The following CHN2 variants were observed in gnomAD, a reference collection of about 807,000 sequenced individuals.
CHN2 encodes beta-chimaerin.
A neutral mutation model predicts 56.3 loss-of-function variants in CHN2; 35 were observed. The observed-to-expected ratio is 0.62, with a 90% CI of 0.47 to 0.82. The LOEUF (loss-of-function observed/expected upper bound fraction) is 0.82. CHN2 is among the 40% of genes least tolerant of loss of function. CHN2 has a pLI of 0.00. For synonymous variants in CHN2, 210 were observed against 212.8 expected (o/e 0.99, Z 0.12); for missense variants, 491 against 580.5 (o/e 0.85, Z 1.58).
chr7:29,213,378 G>C (rs1785103990), intron 1 of CHN2, among the ~76,000 whole-genome samples: 1 of 152,148 alleles, frequency 6.6e-6, no homozygotes, highest in Admixed American at 6.5e-5. Flanking sequence ...AGTATGGTTG[G>C]AGCCTAATCA....
At chr7:29,474,125 C>A (rs1786390206) in intron 6 of CHN2, among the ~76,000 whole-genome samples, 2 of 152,140 alleles carry the variant, frequency 1.3e-5, no homozygotes, top group Admixed American at 1.3e-4. Flanking sequence ...TACCTACTTA[C>A]AAATCTGGGA....
chr7:29,505,653 TCCTCCTTGAGGAAGCCTCGCTGACTA>T (rs1204870404), intron 10 of CHN2, among the ~76,000 whole-genome samples: 2 of 152,236 alleles, frequency 1.3e-5, no homozygotes, highest in Non-Finnish European at 2.9e-5. Flanking sequence ...CTCAAGCCTT[TCCTCCTTGAGGAAGCCTCGCTGACTA>T]CCCCAAGCTA....
At chr7:29,424,092 G>A (rs1214637242) in intron 6 of CHN2, among the ~76,000 whole-genome samples, 2 of 152,162 alleles carry the variant, frequency 1.3e-5, no homozygotes, top group South Asian at 2.1e-4. Context: ...CCATTGTTTA[G>A]CACTGAAGTA....
chr7:29,267,229 G>A (rs1399363521), intron 1 of CHN2, among the ~76,000 whole-genome samples: 2 of 149,244 alleles, frequency 1.3e-5, no homozygotes, highest in Admixed American at 1.3e-4. Context: ...GGCACTAAGT[G>A]CATATTTCTT....
At chr7:29,497,851 G>A (rs1789470899) in intron 8 of CHN2, among the ~76,000 whole-genome samples, 1 of 152,100 alleles carries the variant, frequency 6.6e-6, no homozygotes, top group Non-Finnish European at 1.5e-5. Context: ...GTGGTACCTA[G>A]GGCAGCAATT....
chr7:29,197,710 AG>A (rs1206675833), intron 1 of CHN2, among the ~76,000 whole-genome samples: 1 of 152,204 alleles, frequency 6.6e-6, no homozygotes, highest in Non-Finnish European at 1.5e-5. Flanking sequence ...CATAGCCCTG[AG>A]TGTTTGGCAT....
intron 2 of CHN2, among the ~76,000 whole-genome samples, chr7:29,168,157 A>G (rs1584521962): frequency 6.6e-6 from 1 of 152,330 alleles, no homozygotes; most frequent in East Asian, 1.9e-4. Context: ...CTGCTTACTA[A>G]TGAGACTGCA....
At chr7:29,458,924 C>T (rs191610780) in intron 6 of CHN2, among the ~76,000 whole-genome samples, 18 of 152,286 alleles carry the variant, frequency 1.2e-4, no homozygotes, top group Non-Finnish European at 2.2e-4. Context: ...AATTCAGGAG[C>T]GGACAGATGC....
intron 6 of CHN2, chr7:29,479,774 G>A: frequency 8.4e-6 from 10 of 1,193,760 alleles, no homozygotes; most frequent in Non-Finnish European, 1.1e-5. Flanking sequence ...ATGTGCTGCG[G>A]CAGGAGAAAG....
chr7:29,313,992 A>G (rs890501879), intron 1 of CHN2, among the ~76,000 whole-genome samples: 5 of 152,140 alleles, frequency 3.3e-5, no homozygotes, highest in African/African-American at 9.7e-5. Flanking sequence ...AGTGCTTGCC[A>G]GTATATACAC....
intron 1 of CHN2, among the ~76,000 whole-genome samples, chr7:29,251,824 A>G (rs1403993628): frequency 6.6e-6 from 1 of 152,246 alleles, no homozygotes; most frequent in Non-Finnish European, 1.5e-5. Flanking sequence ...TCACAAAAAT[A>G]GAACCTAATT....
chr7:29,251,266 A>C (rs1788493647), intron 1 of CHN2, among the ~76,000 whole-genome samples: 1 of 152,150 alleles, frequency 6.6e-6, no homozygotes, highest in African/African-American at 2.4e-5. Context: ...CAGCCTGGGC[A>C]ACACTGCAAA....
chr7:29,301,820 G>A (rs1402182182), intron 1 of CHN2, among the ~76,000 whole-genome samples: 2 of 152,086 alleles, frequency 1.3e-5, no homozygotes, highest in African/African-American at 4.8e-5. Context: ...CTTCAAATAG[G>A]TCCATGTTTG....
chr7:29,302,437 C>T (rs1793760990), intron 1 of CHN2, among the ~76,000 whole-genome samples: 1 of 151,786 alleles, frequency 6.6e-6, no homozygotes, highest in African/African-American at 2.4e-5. Flanking sequence ...GATCCTCCCA[C>T]ATCAGCCTCC....
chr7:29,415,489 G>T (rs1803644013), intron 6 of CHN2, among the ~76,000 whole-genome samples: 1 of 149,768 alleles, frequency 6.7e-6, no homozygotes, highest in African/African-American at 2.4e-5. Flanking sequence ...AGCCCGAATG[G>T]AGTCCTAAAA....
chr7:29,181,911 A>G (rs1215466076), intron 2 of CHN2, among the ~76,000 whole-genome samples: 1 of 152,130 alleles, frequency 6.6e-6, no homozygotes, highest in Non-Finnish European at 1.5e-5. Context: ...AATATGGATG[A>G]TTTCTTTTTT....
rs1222366640 is a variant in CHN2 at position 29,298,681 on chromosome 7, T to G, written c.50-55944T>G. Among the ~76,000 whole-genome samples the G allele has an allele frequency of 2.6e-5, 4 of 152,162 alleles. No homozygotes were observed. In the South Asian group the frequency reaches 8.3e-4, roughly 32 times the overall value. ...CTTAGAACTAGAATATCGATCCAGG[T>G]TTTTAAATGCCTCATCCCTTTTGTT... On this transcript the variant is annotated intron_variant, in intron 1 of 12. Coordinates refer to ENST00000222792, the MANE Select transcript of CHN2 (RefSeq NM_004067.4).
chr7:29,370,648 C>G lies in CHN2; in HGVS notation c.144+2661C>G, dbSNP rs542349399. Reference sequence around the variant, plus strand: ...ACTCATACTTTCCCGGGCCATGGGCCTCTCCCAGATTAGGACCTGCCAGTT... The same window carrying G: ...ACTCATACTTTCCCGGGCCATGGGCGTCTCCCAGATTAGGACCTGCCAGTT... On this transcript the variant is annotated intron_variant, in intron 3 of 12. Coordinates refer to ENST00000222792, the MANE Select transcript of CHN2 (RefSeq NM_004067.4). 1.1e-4 allele frequency among the ~76,000 whole-genome samples: 17 copies of G among 152,212 alleles called. No homozygotes were observed. The South Asian group carries it at 3.3e-3, about 30-fold the overall frequency.
At chr7:29,473,282 A>G (rs978649036) in intron 6 of CHN2, among the ~76,000 whole-genome samples, 1 of 152,174 alleles carries the variant, frequency 6.6e-6, no homozygotes, top group Non-Finnish European at 1.5e-5. Flanking sequence ...GACTACGTTC[A>G]TACTTTCATC....
Sources: allele counts gnomAD v4.1 joint callset (sites outside exome capture counted in the v4.1 genomes callset), GRCh38; gene constraint gnomAD v4.1.1; transcripts MANE v1.5; gene names NCBI Gene and HGNC (gene_info 2026-07-23, HGNC 2026-07-21).